Variants in RYR2 observed in about 807,000 individuals in gnomAD.
RYR2 encodes ryanodine receptor 2.
RYR2 carries 227 observed loss-of-function variants against 601.1 expected under a neutral mutation model. The ratio of observed to expected loss-of-function variants is 0.38; its 90% CI spans 0.34 to 0.42. The LOEUF (loss-of-function observed/expected upper bound fraction) is 0.42, where lower values mean the gene tolerates loss of function less well. Among genes scored for constraint, RYR2 ranks in the 10% least tolerant of loss-of-function variants. The pLI, the probability that RYR2 is intolerant of heterozygous loss-of-function variation, is 1.00. For missense variants in RYR2, 4,646 were observed against 6,156.5 expected (o/e 0.75, Z 8.21); for synonymous variants, 2,223 against 2,175.1 (o/e 1.02, Z -0.61).
chr1:237,508,552 T>C (rs1184767253), intron 23 of RYR2, among the ~76,000 whole-genome samples: 1 of 151,776 alleles, frequency 6.6e-6, no homozygotes, highest in African/African-American at 2.4e-5. Flanking sequence ...TGATCTCCAC[T>C]GCAAACTCCT....
intron 1 of RYR2, among the ~76,000 whole-genome samples, chr1:237,112,984 C>T (rs912834443): frequency 2.0e-5 from 3 of 152,170 alleles, no homozygotes; most frequent in East Asian, 1.9e-4. Context: ...GGAACCTCAA[C>T]GGGGACTCTG....
In RYR2 at chr1:237,454,489, A is replaced by T. The variant is rs1558846600; in HGVS notation, c.1391A>T (p.His464Leu). 2 of 1,613,236 alleles carry T rather than the reference A, an allele frequency of 1.2e-6. No individual in the cohort carries two copies. Among genetic ancestry groups the T allele is most frequent in the South Asian group, 1.1e-5 (1 of 91,058 alleles). Reference sequence around the variant, plus strand: ...CTGCAGGATCTCATTGGCTACTTCCACCCCCCAGATGAGCATTTAGAGCAT... The same window carrying T: ...CTGCAGGATCTCATTGGCTACTTCCTCCCCCCAGATGAGCATTTAGAGCAT... ...LSLQDLIGYF[H>L]PPDEHLEHED... The change falls in exon 15 of 105, where the codon CAC (histidine) becomes CTC (leucine). Residue 464 changes from histidine to leucine, a missense_variant. Physicochemically the swap from His to Leu is moderately conservative, Grantham distance 99 (BLOSUM62 -3). Coordinates refer to ENST00000366574, the MANE Select transcript of RYR2 (RefSeq NM_001035.3).
chr1:237,769,064 T>C (rs988515454), intron 84 of RYR2, among the ~76,000 whole-genome samples: 10 of 152,236 alleles, frequency 6.6e-5, no homozygotes, highest in African/African-American at 2.4e-4. Flanking sequence ...TTTTTCTGAA[T>C]ACTTTCTAGT....
intron 1 of RYR2, among the ~76,000 whole-genome samples, chr1:237,067,695 GT>G (rs2148296756): frequency 6.6e-6 from 1 of 152,290 alleles, no homozygotes; most frequent in South Asian, 2.1e-4. Flanking sequence ...CAAAACTTGT[GT>G]ATCAATTTGG....
intron 6 of RYR2, among the ~76,000 whole-genome samples, chr1:237,374,409 G>A (rs893538844): frequency 6.6e-5 from 10 of 152,026 alleles, no homozygotes; most frequent in African/African-American, 2.4e-4. Flanking sequence ...TGTGGTCCCA[G>A]CTACTTGGGA....
chr1:237,534,571 G>C (rs1668423553), intron 25 of RYR2, among the ~76,000 whole-genome samples: 1 of 151,816 alleles, frequency 6.6e-6, no homozygotes, highest in African/African-American at 2.4e-5. Flanking sequence ...GGATCACAAA[G>C]AATAACAGCA....
At chr1:237,603,019 C>T (rs1046621884) in intron 35 of RYR2, among the ~76,000 whole-genome samples, 5 of 151,990 alleles carry the variant, frequency 3.3e-5, no homozygotes, top group Admixed American at 2.6e-4. Context: ...CGCGAAGGCC[C>T]GTGGTGGGTG....
At chr1:237,099,551 T>G (rs1667854013) in intron 1 of RYR2, among the ~76,000 whole-genome samples, 1 of 152,196 alleles carries the variant, frequency 6.6e-6, no homozygotes, top group Admixed American at 6.5e-5. Context: ...CAATAGCCTC[T>G]TTGACAGCTC....
At chr1:237,313,961 T>G (rs993873446) in intron 2 of RYR2, among the ~76,000 whole-genome samples, 1 of 150,120 alleles carries the variant, frequency 6.7e-6, no homozygotes, top group African/African-American at 2.4e-5. Flanking sequence ...TCAGGTGTTT[T>G]TTTTTTTTTT....
intron 16 of RYR2, among the ~76,000 whole-genome samples, chr1:237,466,546 A>AAAAT (rs1233903480): frequency 2.0e-5 from 3 of 152,072 alleles, no homozygotes; most frequent in African/African-American, 7.2e-5. Flanking sequence ...TTATATTTAA[A>AAAAT]AAATAGTCCT....
chr1:237,632,190 C>T (rs974716591), intron 42 of RYR2, among the ~76,000 whole-genome samples: 1 of 151,862 alleles, frequency 6.6e-6, no homozygotes, highest in Non-Finnish European at 1.5e-5. Context: ...AAAAATTACT[C>T]TATGTGTTAA....
chr1:237,830,204 A>C (rs1663617659), intron 102 of RYR2: 1 of 248,724 alleles, frequency 4.0e-6, no homozygotes, highest in Admixed American at 5.2e-5. Context: ...CAATGTCATG[A>C]ACAAGAGTTG....
chr1:237,486,020 T>A (rs1178124294), intron 17 of RYR2, among the ~76,000 whole-genome samples: 6 of 152,014 alleles, frequency 3.9e-5, no homozygotes, highest in Admixed American at 3.9e-4. Flanking sequence ...AAGGAGAGGA[T>A]GAGTTTAGGA....
At chr1:237,150,245 G>C (rs1222212233) in intron 1 of RYR2, among the ~76,000 whole-genome samples, 3 of 152,194 alleles carry the variant, frequency 2.0e-5, no homozygotes, top group African/African-American at 7.2e-5. Flanking sequence ...TCACAGTCTT[G>C]ATCACTGCTC....
intron 1 of RYR2, among the ~76,000 whole-genome samples, chr1:237,043,757 A>AAAACAAAC (rs771009602): frequency 1.3e-5 from 2 of 152,096 alleles, no homozygotes; most frequent in African/African-American, 4.8e-5. Flanking sequence ...AAAACAAAAC[A>AAAACAAAC]AAACAAACAA....
intron 17 of RYR2, among the ~76,000 whole-genome samples, chr1:237,471,846 C>T (rs1162054099): frequency 6.6e-6 from 1 of 151,252 alleles, no homozygotes; most frequent in Admixed American, 6.6e-5. Flanking sequence ...TAATGAAAGT[C>T]AAGGGAAAGA....
rs559526695 is a variant in RYR2 at position 237,701,966 on chromosome 1, C to T, written c.9368-12C>T. 33 of 1,537,446 alleles carry T rather than the reference C, an allele frequency of 2.1e-5. No individual in the cohort carries two copies. In the African/African-American group the frequency reaches 2.6e-4, roughly 12 times the overall value. The stretch of plus-strand genomic sequence containing the variant: ...GGGTTTTTCTTTCAAGTGAGATTCT[C>T]TTTTTCCTTAGTGGAAGATGTCCAG... On this transcript the variant is annotated splice_polypyrimidine_tract_variant and intron_variant, in intron 65 of 104. Coordinates refer to ENST00000366574, the MANE Select transcript of RYR2 (RefSeq NM_001035.3).
chr1:237,454,874 G>A (rs1387063115), intron 15 of RYR2, among the ~76,000 whole-genome samples: 5 of 152,108 alleles, frequency 3.3e-5, no homozygotes, highest in Admixed American at 6.6e-5. Flanking sequence ...TCTTCATGTG[G>A]GTTATATCAA....
rs553617274 is a variant in RYR2, at chr1:237,245,991, T to A, written c.49-24506T>A. On this transcript the variant is annotated intron_variant, in intron 1 of 104. Coordinates refer to ENST00000366574, the MANE Select transcript of RYR2 (RefSeq NM_001035.3). ...GAAATGGGGTTTCCCCATGTTGACC[T>A]GGCTGGTCTCGAACTCCTGACCTTG... 3.9e-4 allele frequency among the ~76,000 whole-genome samples: 59 copies of A among 152,200 alleles called. 1 individual carries two copies. The highest frequency in any genetic ancestry group is 2.8e-3 in the Admixed American group (43 of 15,288).
Sources: allele counts gnomAD v4.1 joint callset (sites outside exome capture counted in the v4.1 genomes callset), GRCh38; gene constraint gnomAD v4.1.1; transcripts MANE v1.5; gene names NCBI Gene and HGNC (gene_info 2026-07-23, HGNC 2026-07-21).